RABGAP1L: variants seen among roughly 807,000 people sequenced by gnomAD.
RABGAP1L encodes the protein RAB GTPase activating protein 1 like.
Under a neutral mutation model 137.7 loss-of-function variants are expected in RABGAP1L, and 63 were observed. The ratio of observed to expected loss-of-function variants is 0.46; its 90% CI spans 0.37 to 0.56. The LOEUF is 0.56. Among genes scored for constraint, RABGAP1L ranks in the 20% least tolerant of loss-of-function variants. The pLI, the probability that RABGAP1L is intolerant of heterozygous loss-of-function variation, is 0.00. For synonymous variants in RABGAP1L, 431 were observed against 433.7 expected, an observed-to-expected ratio of 0.99 and a Z score of 0.08; for missense variants, 1,095 against 1,244.0, an observed-to-expected ratio of 0.88 and a Z score of 1.80.
intron 1 of RABGAP1L, among the ~76,000 whole-genome samples, chr1:174,208,829 T>C (rs1668674758): frequency 6.6e-6 from 1 of 152,200 alleles, no homozygotes; most frequent in African/African-American, 2.4e-5. Flanking sequence ...GGAAAATTGA[T>C]ATTATTTCTT....
chr1:174,962,855 T>A (rs1669283737), intron 20 of RABGAP1L, among the ~76,000 whole-genome samples: 1 of 152,174 alleles, frequency 6.6e-6, no homozygotes, highest in African/African-American at 2.4e-5. Context: ...CCCAGCACTT[T>A]GGGAGGCCAA....
chr1:174,250,688 G>A (rs573507423), intron 6 of RABGAP1L, 56 bp downstream of exon 6: 101 of 1,479,776 alleles, frequency 6.8e-5, no homozygotes, highest in South Asian at 5.9e-4. Context: ...TAATATAGGC[G>A]CATATAAAGT....
At chr1:174,621,261 G>A (rs1327307394) in intron 13 of RABGAP1L, among the ~76,000 whole-genome samples, 3 of 152,160 alleles carry the variant, frequency 2.0e-5, no homozygotes, top group African/African-American at 7.2e-5. Context: ...TCAATATCGT[G>A]AAAATGGCCA....
At chr1:174,706,730 G>A (rs998647320) in intron 17 of RABGAP1L, among the ~76,000 whole-genome samples, 1 of 152,124 alleles carries the variant, frequency 6.6e-6, no homozygotes, top group African/African-American at 2.4e-5. Flanking sequence ...CCCCTTCACT[G>A]CCCTTTTCCA....
intron 13 of RABGAP1L, among the ~76,000 whole-genome samples, chr1:174,516,792 C>A (rs11589511): frequency 3.3e-5 from 5 of 151,736 alleles, no homozygotes; most frequent in African/African-American, 1.2e-4. Context: ...AGAATTTGAA[C>A]GGTGATTTTT....
chr1:174,332,130 C>A (rs1681085869), intron 11 of RABGAP1L, among the ~76,000 whole-genome samples: 1 of 152,134 alleles, frequency 6.6e-6, no homozygotes, highest in Non-Finnish European at 1.5e-5. Flanking sequence ...ATAGGTGTGA[C>A]AGCTGGCACC....
chr1:174,383,218 C>G (rs909215085), intron 12 of RABGAP1L, among the ~76,000 whole-genome samples: 5 of 151,258 alleles, frequency 3.3e-5, no homozygotes, highest in African/African-American at 4.9e-5. Context: ...ACATTTAAGT[C>G]TGCAGAGGTT....
At chr1:174,826,502 G>C in intron 19 of RABGAP1L, among the ~76,000 whole-genome samples, 1 of 152,252 alleles carries the variant, frequency 6.6e-6, no homozygotes, top group East Asian at 1.9e-4. Flanking sequence ...GATTACAAGC[G>C]TGAGCCACCA....
chr1:174,788,560 T>G (rs543552651), intron 18 of RABGAP1L, among the ~76,000 whole-genome samples: 128 of 152,344 alleles, frequency 8.4e-4, no homozygotes, highest in Non-Finnish European at 1.4e-3. Context: ...AGTCTCTTCC[T>G]CTCTTAAGCT....
intron 18 of RABGAP1L, among the ~76,000 whole-genome samples, chr1:174,800,818 A>C (rs767279449): frequency 6.6e-6 from 1 of 152,180 alleles, no homozygotes; most frequent in East Asian, 1.9e-4. Flanking sequence ...CAAGTGCTTG[A>C]TGTAGGCATT....
chr1:174,272,110 A>G (rs1476272713), intron 7 of RABGAP1L, among the ~76,000 whole-genome samples: 2 of 151,976 alleles, frequency 1.3e-5, no homozygotes, highest in Non-Finnish European at 2.9e-5. Flanking sequence ...ATCTCCCTAG[A>G]AACTAATTTG....
intron 13 of RABGAP1L, among the ~76,000 whole-genome samples, chr1:174,609,550 C>G (rs116649174): frequency 1.3e-5 from 2 of 152,074 alleles, no homozygotes; most frequent in Admixed American, 6.6e-5. Context: ...TTAAGAACAG[C>G]AAAGAACCTG....
At chr1:174,946,020 G>A (rs1435664237) in intron 19 of RABGAP1L, 1 of 150,058 alleles carries the variant, frequency 6.7e-6, no homozygotes, top group African/African-American at 2.4e-5. Flanking sequence ...TTGGCTATCT[G>A]TCTCTCTCTC....
chr1:174,386,103 G>T (rs574767467), intron 12 of RABGAP1L, among the ~76,000 whole-genome samples: 1 of 152,272 alleles, frequency 6.6e-6, no homozygotes, highest in African/African-American at 2.4e-5. Flanking sequence ...ACTAGTGGAG[G>T]GGTTGAATTT....
At chr1:174,565,307 C>G (rs906285023) in intron 13 of RABGAP1L, among the ~76,000 whole-genome samples, 1 of 152,168 alleles carries the variant, frequency 6.6e-6, no homozygotes, top group African/African-American at 2.4e-5. Context: ...CCCCATATCT[C>G]CCTACTTTCA....
At chr1:174,964,912 T>C (rs1669480336) in intron 20 of RABGAP1L, 1 of 1,484,784 alleles carries the variant, frequency 6.7e-7, no homozygotes, top group Admixed American at 2.3e-5. Flanking sequence ...TTCAATTTCA[T>C]TGGATATTCT....
intron 15 of RABGAP1L, among the ~76,000 whole-genome samples, chr1:174,696,894 T>C (rs74126864): frequency 0.012 from 1,818 of 152,326 alleles, 50 homozygotes; most frequent in African/African-American, 0.042. Flanking sequence ...AGTTGTTCAA[T>C]TTGGTGTTCT....
intron 13 of RABGAP1L, among the ~76,000 whole-genome samples, chr1:174,615,504 T>G (rs548348017): frequency 3.9e-5 from 6 of 152,316 alleles, no homozygotes; most frequent in African/African-American, 1.4e-4. Flanking sequence ...TGCCTCCCAG[T>G]TAGGCTTCTC....
intron 11 of RABGAP1L, among the ~76,000 whole-genome samples, chr1:174,327,165 C>T (rs192507854): frequency 1.2e-4 from 19 of 152,244 alleles, no homozygotes; most frequent in Non-Finnish European, 1.5e-4. Flanking sequence ...GCAAATTCAA[C>T]ATACTCTAAT....
Sources: allele counts gnomAD v4.1 joint callset (sites outside exome capture counted in the v4.1 genomes callset), GRCh38; gene constraint gnomAD v4.1.1; transcripts MANE v1.5; gene names NCBI Gene and HGNC (gene_info 2026-07-23, HGNC 2026-07-21).